DOCK8: variants seen among roughly 807,000 people sequenced by gnomAD.
DOCK8 encodes the protein dedicator of cytokinesis protein 8.
Under a neutral mutation model 245.6 loss-of-function variants are expected in DOCK8, and 141 were observed. That is an observed-to-expected ratio of 0.57 (90% confidence interval 0.50 to 0.66). DOCK8 has a LOEUF of 0.66. DOCK8 is among the 30% of genes least tolerant of loss of function. DOCK8 has a pLI of 0.00. For missense variants in DOCK8, 2,965 were observed against 2,603.4 expected, an observed-to-expected ratio of 1.14 and a Z score of -3.02; for synonymous variants, 1,168 against 970.2, an observed-to-expected ratio of 1.20 and a Z score of -3.79.
chr9:364,774 T>G (rs1338463671), intron 14 of DOCK8, among the ~76,000 whole-genome samples: 4 of 152,214 alleles, frequency 2.6e-5, no homozygotes, highest in African/African-American at 7.2e-5. Flanking sequence ...TATACTTTTA[T>G]GTACTTTTAT....
At chr9:449,381 A>G (rs1194209021) in intron 44 of DOCK8, among the ~76,000 whole-genome samples, 2 of 128,916 alleles carry the variant, frequency 1.6e-5, no homozygotes, top group African/African-American at 5.2e-5. Context: ...AAGTAAGTTG[A>G]GTAACTTGCT....
Position 382,536 on chromosome 9 carries a change from C to T in DOCK8, c.2629C>T (p.Pro877Ser), listed in dbSNP as rs1446875420. 1.9e-6 allele frequency: 3 copies of T among 1,613,922 alleles called. No homozygotes were observed. ...AGGCGCTCCCACTGCCCTCCTAGAC[C>T]CTCGGAGCTACCACACGTATGGCCG... ...KSGAPTALLDPRSYHTYGRTS... is the reference protein window; with the variant it reads ...KSGAPTALLDSRSYHTYGRTS... Residue 877 changes from proline (P) to serine (S), a missense_variant, in exon 22 of 48, where the codon CCT becomes TCT. By Grantham distance (74) the Pro-to-Ser change is moderately conservative. Transcript: ENST00000432829.
chr9:334,098 A>T, intron 10 of DOCK8, 127 bp from the exon 11 acceptor site: 1 of 1,000,714 alleles, frequency 1.0e-6, no homozygotes, highest in Middle Eastern at 2.9e-4. Context: ...TTTTAGTGGG[A>T]AGATATGTTT....
intron 24 of DOCK8, among the ~76,000 whole-genome samples, chr9:395,782 T>C: frequency 6.6e-6 from 1 of 152,106 alleles, no homozygotes; most frequent in East Asian, 1.9e-4. Context: ...AGCATGATCT[T>C]GATTTAAAAT....
At chr9:403,964 A>ATATATG (rs2055282478) in intron 26 of DOCK8, among the ~76,000 whole-genome samples, 4 of 75,694 alleles carry the variant, frequency 5.3e-5, no homozygotes, top group African/African-American at 3.2e-4. Context: ...ATATATGTAT[A>ATATATG]TATATATATA....
At chr9:230,374 T>C (rs2047084743) in intron 1 of DOCK8, among the ~76,000 whole-genome samples, 1 of 152,144 alleles carries the variant, frequency 6.6e-6, no homozygotes, top group Non-Finnish European at 1.5e-5. Flanking sequence ...TGTGCATGTG[T>C]CTTTATAGCA....
intron 43 of DOCK8, 61 bp from the exon 44 acceptor site, chr9:446,309 C>G (rs578249389): frequency 1.1e-5 from 16 of 1,401,010 alleles, no homozygotes; most frequent in Non-Finnish European, 1.5e-5. Context: ...CCCTCCATTG[C>G]GTCAGGGATG....
chr9:380,006 C>G (rs1304657379), intron 21 of DOCK8, 71 bp downstream of exon 21: 27 of 1,529,668 alleles, frequency 1.8e-5, no homozygotes, highest in Non-Finnish European at 2.2e-5. Context: ...CAGTGTAATC[C>G]AAAATAAAAC....
chr9:375,952 G>A (rs2053497756), intron 18 of DOCK8, among the ~76,000 whole-genome samples: 1 of 152,204 alleles, frequency 6.6e-6, no homozygotes, highest in South Asian at 2.1e-4. Context: ...AACCGTGATT[G>A]CACCACTGCA....
chr9:453,384 C>T (rs377324258), intron 46 of DOCK8, among the ~76,000 whole-genome samples: 17 of 152,258 alleles, frequency 1.1e-4, no homozygotes, highest in East Asian at 5.8e-4. Context: ...GTACATAATA[C>T]GTATCTTTTA....
intron 46 of DOCK8, among the ~76,000 whole-genome samples, chr9:462,386 T>A (rs2057832827): frequency 6.6e-6 from 1 of 152,248 alleles, no homozygotes; most frequent in Non-Finnish European, 1.5e-5. Flanking sequence ...TTCTTTTCCA[T>A]AAATGGCCCT....
chr9:354,770 G>C (rs1308272974), intron 14 of DOCK8, among the ~76,000 whole-genome samples: 2 of 152,172 alleles, frequency 1.3e-5, no homozygotes, highest in African/African-American at 2.4e-5. Context: ...TTTCTCATGG[G>C]GGGCAGCTCA....
chr9:347,077 C>T (rs959047752), intron 14 of DOCK8, among the ~76,000 whole-genome samples: 6 of 152,028 alleles, frequency 3.9e-5, no homozygotes, highest in Admixed American at 2.0e-4. Flanking sequence ...CTGAAGACTC[C>T]CATTCAGGTG....
chr9:248,335 C>T (rs534039057), intron 1 of DOCK8, among the ~76,000 whole-genome samples: 1 of 152,220 alleles, frequency 6.6e-6, no homozygotes, highest in African/African-American at 2.4e-5. Context: ...TAAGGCCTGA[C>T]TCATTACCAA....
chr9:249,337 C>G (rs2047593479), intron 1 of DOCK8, among the ~76,000 whole-genome samples: 1 of 152,148 alleles, frequency 6.6e-6, no homozygotes, highest in Non-Finnish European at 1.5e-5. Flanking sequence ...TACCTCTGAC[C>G]ACAGCCTGTG....
intron 4 of DOCK8, among the ~76,000 whole-genome samples, chr9:298,782 C>T (rs1315322378): frequency 2.0e-5 from 3 of 151,926 alleles, no homozygotes; most frequent in East Asian, 1.9e-4. Flanking sequence ...CACAAAAGGT[C>T]TTTAGGTAGC....
intron 9 of DOCK8, among the ~76,000 whole-genome samples, chr9:330,173 T>G (rs2050943917): frequency 6.6e-6 from 1 of 152,238 alleles, no homozygotes; most frequent in African/African-American, 2.4e-5. Context: ...TATTTCCGCT[T>G]AAAAGTTTAA....
intron 2 of DOCK8, chr9:273,006 C>CTT (rs773247786): frequency 1.4e-5 from 14 of 984,660 alleles, no homozygotes; most frequent in Non-Finnish European, 1.7e-5. Flanking sequence ...CCACTTCTGC[C>CTT]TTAGAAATTT....
At chr9:240,795 C>G (rs1347571021) in intron 1 of DOCK8, among the ~76,000 whole-genome samples, 1 of 152,054 alleles carries the variant, frequency 6.6e-6, no homozygotes, top group African/African-American at 2.4e-5. Context: ...ATGATGGAAA[C>G]AGATCATCTG....
Sources: gnomAD v4.1 joint callset for allele counts (sites outside exome capture counted in the v4.1 genomes callset) on GRCh38, gnomAD v4.1.1 for gene constraint, MANE v1.5 for transcripts, NCBI Gene and HGNC (gene_info 2026-07-23, HGNC 2026-07-21) for gene names.